Variants in GNG3 observed in about 807,000 individuals in gnomAD.
GNG3 encodes guanine nucleotide-binding protein G(I)/G(S)/G(O) subunit gamma-3.
A neutral mutation model predicts 5.6 loss-of-function variants in GNG3; 4 were observed. The observed-to-expected ratio is 0.71, with a 90% CI of 0.35 to 1.63. The LOEUF (loss-of-function observed/expected upper bound fraction) is 1.63, where lower values mean the gene tolerates loss of function less well. Ranked by LOEUF, GNG3 falls within the 40% of genes most tolerant of loss-of-function variation. The probability of loss-of-function intolerance (pLI) is 0.05; values close to 1 mark genes in which losing one functional copy is unlikely to be tolerated. For missense variants in GNG3, 62 were observed against 96.6 expected, an observed-to-expected ratio of 0.64 and a Z score of 1.50; for synonymous variants, 30 against 33.5, an observed-to-expected ratio of 0.89 and a Z score of 0.36.
chr11:62,708,014 A>G, intron 1 of GNG3, 99 bp downstream of exon 1: 1 of 461,656 alleles, frequency 2.2e-6, no homozygotes, highest in South Asian at 2.3e-5. Flanking sequence ...CAGAGCTGGG[A>G]ACACACATGG....
intron 1 of GNG3, 155 bp from the exon 2 acceptor site, chr11:62,708,140 C>A: frequency 1.5e-6 from 1 of 654,156 alleles, no homozygotes. Flanking sequence ...ATGAGGAATA[C>A]AGGGATGAGA....
upstream of GNG3, chr11:62,707,574 G>T: frequency 1.7e-6 from 1 of 582,092 alleles, no homozygotes; most frequent in Non-Finnish European, 3.1e-6. Context: ...TGGGGGAGGG[G>T]CAGGCAGTGA....
In GNG3 at chr11:62,708,986, A is replaced by C. The variant is rs1590889357; in HGVS notation, c.*180A>C. The C allele has an allele frequency of 1.6e-6, 1 of 611,164 alleles. No individual in the cohort carries two copies. The highest frequency in any genetic ancestry group is 2.9e-6 in the Non-Finnish European group (1 of 342,038). 37.9% of individuals were successfully genotyped at this position (611,164 alleles called of 1,614,324 possible). A position where few individuals can be genotyped will look rare whatever the true frequency, so the allele number is the denominator to read the frequency against. ...CTATCTGTCGACCCCATTTCCTACC[A>C]CCTTTGTGGCCGACCCCAAGCACCC... On this transcript the variant is annotated 3_prime_UTR_variant, in exon 3 of 3. Coordinates refer to ENST00000294117, the MANE Select transcript of GNG3 (RefSeq NM_012202.5).
upstream of GNG3, chr11:62,706,597 A>T: frequency 2.1e-6 from 1 of 469,460 alleles, no homozygotes; most frequent in Non-Finnish European, 4.4e-6. Context: ...CTGCAATCAC[A>T]GCCCTCCGTG....
At chr11:62,707,211 C>T (rs946187387), upstream of GNG3, 8 of 1,551,286 alleles carry the variant, frequency 5.2e-6, no homozygotes, top group South Asian at 1.2e-5. Context: ...TGACGAGCCT[C>T]TGTTGACTCT....
At chr11:62,708,636 C>A in intron 2 of GNG3, 42 bp from the exon 3 acceptor site, 5 of 1,609,254 alleles carry the variant, frequency 3.1e-6, no homozygotes, top group Non-Finnish European at 4.2e-6. Flanking sequence ...CAGTCCCCTT[C>A]AGAGGTCCTG....
rs765855751 is a variant in GNG3, at chr11:62,708,311, C to T, written c.16C>T (p.Pro6Ser). 6.2e-7 allele frequency: 1 copy of T among 1,611,840 alleles called. No homozygotes were observed. Among genetic ancestry groups the T allele is most frequent in the Non-Finnish European group, 8.5e-7 (1 of 1,177,908 alleles). The change falls in exon 2 of 3, where the codon CCG becomes TCG. Residue 6 changes from proline (P) to serine (S), a missense_variant. Physicochemically the swap from Pro to Ser is moderately conservative, Grantham distance 74. This residue lies in a region of GNG3 where 58 missense variants were observed against 75.4 expected (regional missense o/e 0.77). Transcript: ENST00000294117. MKGET[P>S]VNSTMSIGQA... The stretch of plus-strand genomic sequence containing the variant: ...TTTTTCCAGGATGAAAGGTGAGACC[C>T]CGGTGAACAGCACTATGAGTATTGG...
upstream of GNG3, chr11:62,707,487 G>A (rs2083561916): frequency 6.1e-6 from 4 of 650,760 alleles, no homozygotes; most frequent in Non-Finnish European, 5.6e-6. Context: ...CCCAGACCAC[G>A]CCATTTGAGA....
chr11:62,708,480 C>A, intron 2 of GNG3, 86 bp downstream of exon 2: 1 of 1,229,024 alleles, frequency 8.1e-7, no homozygotes, highest in African/African-American at 1.5e-5. Context: ...GAGATGCGTT[C>A]TTTCCTTCAC....
rs1348935834 is a variant in GNG3, at chr11:62,708,747, CCT to C, written c.170_171del (p.Pro57ArgfsTer41). On this transcript the variant is annotated frameshift_variant, in exon 3 of 3. Transcript: ENST00000294117. LOFTEE classifies it high-confidence loss of function. ...AHACEDPLIT[P>X]VPTSENPFRE... ...CGCCTGTGAGGATCCCCTCATCACC[CCT>C]GTGCCCACTTCGGAGAACCCCTTCC... 2 of 1,614,088 alleles carry C rather than the reference CCT, an allele frequency of 1.2e-6. No homozygotes were observed. The highest frequency in any genetic ancestry group is 1.7e-6 in the Non-Finnish European group (2 of 1,179,970).
At position 62,708,396 on chromosome 11, in the gene GNG3, T is replaced by G; in HGVS notation, c.99+2T>G. 1 of 1,603,696 alleles carries G rather than the reference T, an allele frequency of 6.2e-7. No homozygotes were observed. ...GAAGCCAGCTTGTGTCGGATAAAGG[T>G]AGGTGGGACCCTGGCTGGCTCCCAT... On this transcript the variant is annotated splice_donor_variant, in intron 2 of 2. Transcript: ENST00000294117. LOFTEE classifies it high-confidence loss of function.
At chr11:62,707,130 G>A, upstream of GNG3, 1 of 1,554,306 alleles carries the variant, frequency 6.4e-7, no homozygotes, top group South Asian at 1.2e-5. Context: ...CCGGTCCTTT[G>A]ATCTGGTCTC....
chr11:62,708,559 A>G, intron 2 of GNG3, 119 bp from the exon 3 acceptor site: 1 of 1,426,850 alleles, frequency 7.0e-7, no homozygotes, highest in South Asian at 1.2e-5. Flanking sequence ...GGGGGGGATG[A>G]GGGAGAAGAC....
upstream of GNG3, chr11:62,707,095 A>ACAAGGGCCCCTACCTCCTCTTT: frequency 6.4e-7 from 1 of 1,551,020 alleles, no homozygotes; most frequent in Non-Finnish European, 8.7e-7. Context: ...GACTGTCCCC[A>ACAAGGGCCCCTACCTCCTCTTT]CAAGGGCCCC....
intron 1 of GNG3, 35 bp from the exon 2 acceptor site, chr11:62,708,260 G>T: frequency 7.3e-7 from 1 of 1,373,778 alleles, no homozygotes; most frequent in South Asian, 1.2e-5. Context: ...GCCTCCAGCT[G>T]AGACTGTGCT....
chr11:62,707,002 T>C (rs1156729349), upstream of GNG3: 2 of 1,004,910 alleles, frequency 2.0e-6, no homozygotes, highest in African/African-American at 3.3e-5. Context: ...AAGTAATCTA[T>C]TCAAAATGAA....
upstream of GNG3, chr11:62,707,122 G>C (rs745575653): frequency 1.9e-5 from 30 of 1,553,614 alleles, no homozygotes; most frequent in Non-Finnish European, 4.4e-6. Context: ...CTCTTTGTCC[G>C]GTCCTTTGAT....
upstream of GNG3, chr11:62,707,455 C>T: frequency 1.5e-6 from 1 of 689,052 alleles, no homozygotes; most frequent in East Asian, 2.7e-5. Context: ...AGTACAGACT[C>T]CACTGCAGGG....
chr11:62,706,965 A>ATC, upstream of GNG3: 1 of 727,824 alleles, frequency 1.4e-6, no homozygotes, highest in African/African-American at 1.8e-5. Context: ...TGTTGTGTAC[A>ATC]TCTTTGCACA....
Sources: allele counts gnomAD v4.1 joint callset, GRCh38; gene constraint gnomAD v4.1.1; regional missense constraint gnomAD v4.1.1; transcripts MANE v1.5; gene names NCBI Gene and HGNC (gene_info 2026-07-23, HGNC 2026-07-21).